The following ZSWIM6 variants were observed in gnomAD, a reference collection of about 807,000 sequenced individuals.
ZSWIM6 encodes the protein zinc finger SWIM domain-containing protein 6.
Under a neutral mutation model 113.2 loss-of-function variants are expected in ZSWIM6, and 9 were observed. The ratio of observed to expected loss-of-function variants is 0.08; its 90% CI spans 0.05 to 0.14. The LOEUF (loss-of-function observed/expected upper bound fraction) is 0.14, where lower values mean the gene tolerates loss of function less well. ZSWIM6 is among the 10% of genes least tolerant of loss of function. The pLI is 1.00. For missense variants in ZSWIM6, 1,162 were observed against 1,552.2 expected, an observed-to-expected ratio of 0.75 and a Z score of 4.22; for synonymous variants, 611 against 606.5, an observed-to-expected ratio of 1.01 and a Z score of -0.11.
intron 1 of ZSWIM6, among the ~76,000 whole-genome samples, chr5:61,335,041 TA>T (rs1490973340): frequency 2.0e-5 from 3 of 152,200 alleles, no homozygotes; most frequent in Non-Finnish European, 4.4e-5. Context: ...GGGCGATAAA[TA>T]AAAGAGGCAA....
rs1051000202 is a variant in ZSWIM6 at position 61,391,222 on chromosome 5, A to G, written c.676+58274A>G. 40 of 895,682 alleles carry G rather than the reference A, an allele frequency of 4.5e-5. No individual in the cohort carries two copies. The African/African-American group carries it at 5.6e-4, about 12-fold the overall frequency. 55.5% of individuals were successfully genotyped at this position (895,682 alleles called of 1,614,324 possible). On this transcript the variant is annotated intron_variant, in intron 1 of 13. Coordinates refer to ENST00000252744, the MANE Select transcript of ZSWIM6 (RefSeq NM_020928.2). ...GCCCTTGGTCAACCTGATGACGTCGATCATCTTGTCCTGCTCAAACACTTG... is the reference window on the plus strand; with the variant it reads ...GCCCTTGGTCAACCTGATGACGTCGGTCATCTTGTCCTGCTCAAACACTTG...
intron 1 of ZSWIM6, chr5:61,347,396 G>T: frequency 6.0e-6 from 1 of 166,844 alleles, no homozygotes; most frequent in South Asian, 1.6e-4. Flanking sequence ...AGCTGACCAT[G>T]GAGCAGTGAG....
At chr5:61,418,862 C>T (rs1227468399) in intron 1 of ZSWIM6, among the ~76,000 whole-genome samples, 1 of 152,220 alleles carries the variant, frequency 6.6e-6, no homozygotes, top group Non-Finnish European at 1.5e-5. Context: ...TGCCCTGTCG[C>T]CCAGGCTAGA....
chr5:61,416,958 A>G (rs980730546), intron 1 of ZSWIM6, among the ~76,000 whole-genome samples: 5 of 152,220 alleles, frequency 3.3e-5, no homozygotes, highest in Admixed American at 2.0e-4. Context: ...CCTGACCAAC[A>G]TGGTGAAACC....
At chr5:61,520,896 TA>T (rs1157233952) in intron 4 of ZSWIM6, among the ~76,000 whole-genome samples, 1 of 152,134 alleles carries the variant, frequency 6.6e-6, no homozygotes, top group African/African-American at 2.4e-5. Context: ...CATTTTTGTC[TA>T]AAATGTCATA....
intron 1 of ZSWIM6, among the ~76,000 whole-genome samples, chr5:61,389,965 A>G (rs1280827594): frequency 6.6e-6 from 1 of 152,248 alleles, no homozygotes; most frequent in Non-Finnish European, 1.5e-5. Flanking sequence ...CGTGTCATTA[A>G]TGACATTTCC....
intron 2 of ZSWIM6, among the ~76,000 whole-genome samples, chr5:61,475,541 A>G (rs1235289607): frequency 6.6e-6 from 1 of 152,168 alleles, no homozygotes; most frequent in African/African-American, 2.4e-5. Flanking sequence ...GTGTATAGGA[A>G]CAGCTTCTCC....
In ZSWIM6 at chr5:61,352,574, G is replaced by A. The variant is rs145092843; in HGVS notation, c.676+19626G>A. Among the ~76,000 whole-genome samples the A allele has an allele frequency of 2.9e-3, 443 of 152,298 alleles. 3 individuals are homozygous for A. The highest frequency in any genetic ancestry group is 1.0e-2 in the African/African-American group (415 of 41,550). ...AGAATATGCCAGTTTGAAAAATACA[G>A]CCTAGTTTTGTGTGTTTGGCTACTT... On this transcript the variant is annotated intron_variant, in intron 1 of 13. Coordinates refer to ENST00000252744, the MANE Select transcript of ZSWIM6 (RefSeq NM_020928.2).
intron 4 of ZSWIM6, among the ~76,000 whole-genome samples, chr5:61,514,521 C>T (rs1305000487): frequency 6.6e-6 from 1 of 151,850 alleles, no homozygotes; most frequent in Non-Finnish European, 1.5e-5. Flanking sequence ...TGCAGATGCC[C>T]TTTATCAGGT....
chr5:61,535,604 C>T lies in ZSWIM6; in HGVS notation c.2366C>T (p.Ala789Val). Residue 789 changes from alanine to valine, a missense_variant, in exon 10 of 14, where the codon GCA becomes GTA. By Grantham distance (64) the Ala-to-Val change is moderately conservative (BLOSUM62 0). This residue lies in a region of ZSWIM6 where 620 missense variants were observed against 804.6 expected (regional missense o/e 0.77). Coordinates refer to ENST00000252744, the MANE Select transcript of ZSWIM6 (RefSeq NM_020928.2). Reference sequence around the variant, plus strand: ...GATGCTGAATTGGCATACAAAATTGCACTGAGAGCAATGCGGTATGTATTC... The same window carrying T: ...GATGCTGAATTGGCATACAAAATTGTACTGAGAGCAATGCGGTATGTATTC... ...PHDAELAYKI[A>V]LRAMRLLVLE... 1 of 1,551,210 alleles carries T rather than the reference C, an allele frequency of 6.4e-7. No homozygotes were observed. Among genetic ancestry groups the T allele is most frequent in the Non-Finnish European group, 8.7e-7 (1 of 1,146,696 alleles).
chr5:61,356,247 C>T (rs891855535), intron 1 of ZSWIM6, among the ~76,000 whole-genome samples: 16 of 152,146 alleles, frequency 1.1e-4, no homozygotes, highest in East Asian at 5.8e-4. Context: ...TACAGGTGCA[C>T]GCCACCATGC....
chr5:61,381,514 C>T (rs1745475279), intron 1 of ZSWIM6, among the ~76,000 whole-genome samples: 1 of 152,032 alleles, frequency 6.6e-6, no homozygotes, highest in African/African-American at 2.4e-5. Flanking sequence ...ACACAAAGCT[C>T]AAAGTAACAT....
intron 4 of ZSWIM6, among the ~76,000 whole-genome samples, chr5:61,506,944 A>G (rs1748638471): frequency 6.6e-6 from 1 of 152,216 alleles, no homozygotes; most frequent in Non-Finnish European, 1.5e-5. Flanking sequence ...TTACTTCATA[A>G]TGATAAACAT....
chr5:61,497,773 T>C (rs750658154), intron 4 of ZSWIM6, among the ~76,000 whole-genome samples: 43 of 152,220 alleles, frequency 2.8e-4, no homozygotes, highest in Non-Finnish European at 5.3e-4. Flanking sequence ...GAAAGCCCCA[T>C]TGCAATGGTA....
chr5:61,359,597 T>C (rs1744988496), intron 1 of ZSWIM6, among the ~76,000 whole-genome samples: 1 of 152,020 alleles, frequency 6.6e-6, no homozygotes, highest in African/African-American at 2.4e-5. Flanking sequence ...CCACCTCAGA[T>C]TTGGAGCCTG....
intron 1 of ZSWIM6, among the ~76,000 whole-genome samples, chr5:61,398,208 T>A (rs1391667675): frequency 2.6e-5 from 4 of 152,060 alleles, no homozygotes; most frequent in African/African-American, 9.7e-5. Flanking sequence ...AGGAGGTGAG[T>A]GGCAGGCAAT....
intron 1 of ZSWIM6, among the ~76,000 whole-genome samples, chr5:61,419,430 C>T (rs1196341401): frequency 2.6e-5 from 4 of 152,192 alleles, no homozygotes; most frequent in African/African-American, 7.2e-5. Context: ...TTCATTTGTA[C>T]TCAAGGCTAT....
chr5:61,380,248 G>C (rs1745447890), intron 1 of ZSWIM6, among the ~76,000 whole-genome samples: 1 of 151,984 alleles, frequency 6.6e-6, no homozygotes, highest in African/African-American at 2.4e-5. Context: ...GCTAATTTTT[G>C]TATTTTTAGT....
chr5:61,527,776 T>A (rs1035568318), intron 7 of ZSWIM6, among the ~76,000 whole-genome samples: 2 of 152,008 alleles, frequency 1.3e-5, no homozygotes, highest in African/African-American at 2.4e-5. Flanking sequence ...ATCTGATTTT[T>A]AAAAAAAATC....
Sources: allele counts gnomAD v4.1 joint callset (sites outside exome capture counted in the v4.1 genomes callset), GRCh38; gene constraint gnomAD v4.1.1; regional missense constraint gnomAD v4.1.1; transcripts MANE v1.5; gene names NCBI Gene and HGNC (gene_info 2026-07-23, HGNC 2026-07-21).